Variants in SUDS3 observed in about 807,000 individuals in gnomAD.
SUDS3 encodes SIN3A corepressor complex component SDS3.
A neutral mutation model predicts 53.5 loss-of-function variants in SUDS3; 23 were observed. The ratio of observed to expected loss-of-function variants is 0.43; its 90% CI spans 0.31 to 0.61. The LOEUF (loss-of-function observed/expected upper bound fraction) is 0.61, where lower values mean the gene tolerates loss of function less well. Ranked by LOEUF, SUDS3 falls within the 20% of genes least tolerant of loss-of-function variation. SUDS3 has a pLI of 0.10. For synonymous variants in SUDS3, 150 were observed against 148.5 expected, an observed-to-expected ratio of 1.01 and a Z score of -0.08; for missense variants, 291 against 405.9, an observed-to-expected ratio of 0.72 and a Z score of 2.43.
chr12:118,403,354 T>G, intron 9 of SUDS3, 58 bp from the exon 10 acceptor site: 1 of 1,305,834 alleles, frequency 7.7e-7, no homozygotes, highest in Non-Finnish European at 1.1e-6. Context: ...GCATGTTAAC[T>G]GGTAGACTCG....
Position 118,389,512 on chromosome 12 carries a change from AT to A in SUDS3, c.341-398del, listed in dbSNP as rs574911562. Among the ~76,000 whole-genome samples the A allele has an allele frequency of 7.9e-3, 1,070 of 136,044 alleles. 1 individual carries two copies. Among genetic ancestry groups the A allele is most frequent in the Non-Finnish European group, 7.5e-3 (472 of 62,624 alleles). 89.3% of individuals were successfully genotyped at this position (136,044 alleles called of 152,430 possible). A position where few individuals can be genotyped will look rare whatever the true frequency, so the allele number is the denominator to read the frequency against. Reference sequence around the variant, plus strand: ...CCACAGCTGATATGTTCAGGGCCACATTTTTTTTTTTTTTTTTGAGACCAGG... The same window carrying A: ...CCACAGCTGATATGTTCAGGGCCACATTTTTTTTTTTTTTTTGAGACCAGG... On this transcript the variant is annotated intron_variant, in intron 4 of 11. Coordinates refer to ENST00000543473, the MANE Select transcript of SUDS3 (RefSeq NM_022491.3).
intron 11 of SUDS3, 56 bp downstream of exon 11, chr12:118,411,213 G>A (rs1426199299): frequency 6.7e-7 from 1 of 1,492,786 alleles, no homozygotes; most frequent in East Asian, 2.5e-5. Context: ...GCGAAGTGTT[G>A]GTAGGGCAAA....
chr12:118,410,626 T>G (rs2046350885), intron 10 of SUDS3, among the ~76,000 whole-genome samples: 3 of 151,672 alleles, frequency 2.0e-5, no homozygotes, highest in Non-Finnish European at 4.4e-5. Context: ...AGATGGAGTC[T>G]TGCTCTGTCG....
chr12:118,384,544 G>T (rs1437403062), intron 3 of SUDS3, among the ~76,000 whole-genome samples: 2 of 152,156 alleles, frequency 1.3e-5, no homozygotes, highest in Non-Finnish European at 2.9e-5. Flanking sequence ...AAGAGTGCAG[G>T]CTGTGAGGCC....
rs539679501 is a variant in SUDS3, at chr12:118,392,263, C to T, written c.517+981C>T. Among the ~76,000 whole-genome samples, 8 of 152,258 alleles carry T rather than the reference C, an allele frequency of 5.3e-5. No homozygotes were observed. The East Asian group carries it at 9.7e-4, about 18-fold the overall frequency. The stretch of plus-strand genomic sequence containing the variant: ...GAAATGCATGCAGTGTTTTTGTGGA[C>T]GTTCTCAGGGCTGACTTTGAAATTA... On this transcript the variant is annotated intron_variant, in intron 6 of 11. Transcript: ENST00000543473.
At chr12:118,397,835 C>A (rs907443258) in intron 6 of SUDS3, among the ~76,000 whole-genome samples, 1 of 152,008 alleles carries the variant, frequency 6.6e-6, no homozygotes, top group African/African-American at 2.4e-5. Context: ...ACTTGGCTTA[C>A]ATCCATCATG....
intron 10 of SUDS3, among the ~76,000 whole-genome samples, chr12:118,405,375 G>A (rs1389882832): frequency 6.6e-6 from 1 of 152,156 alleles, no homozygotes; most frequent in Non-Finnish European, 1.5e-5. Flanking sequence ...TGTCTTGAGG[G>A]TGAAAATGCA....
intron 1 of SUDS3, among the ~76,000 whole-genome samples, chr12:118,379,555 C>T (rs976643894): frequency 1.3e-5 from 2 of 152,162 alleles, no homozygotes; most frequent in African/African-American, 4.8e-5. Flanking sequence ...GTAACCACTC[C>T]CCCACGGATA....
At chr12:118,404,865 G>A (rs1167413064) in intron 10 of SUDS3, among the ~76,000 whole-genome samples, 2 of 152,200 alleles carry the variant, frequency 1.3e-5, no homozygotes, top group Non-Finnish European at 2.9e-5. Context: ...ATTGTGTTAG[G>A]TTGGTTACCC....
At chr12:118,376,930 G>A (rs1473287424) in intron 1 of SUDS3, 97 bp downstream of exon 1, 3 of 1,339,954 alleles carry the variant, frequency 2.2e-6, no homozygotes, top group Middle Eastern at 2.7e-4. Context: ...GGCCTCCGGG[G>A]CCTGGGGCTG....
chr12:118,402,269 C>T (rs1417095273), intron 9 of SUDS3: 2 of 527,192 alleles, frequency 3.8e-6, no homozygotes, highest in Non-Finnish European at 6.7e-6. Flanking sequence ...TGATTTCCTT[C>T]TGTGTAGGCA....
rs1336546241 is a variant in SUDS3 at position 118,417,602 on chromosome 12, G to A, written c.*3169G>A. ...TTTGCAGCCATTTCAAGCAGGTGATGGTCTTTTTTTATAACATCGTTAACG... is the reference window on the plus strand; with the variant it reads ...TTTGCAGCCATTTCAAGCAGGTGATAGTCTTTTTTTATAACATCGTTAACG... On this transcript the variant is annotated 3_prime_UTR_variant, in exon 12 of 12. Coordinates refer to ENST00000543473, the MANE Select transcript of SUDS3 (RefSeq NM_022491.3). The A allele has an allele frequency of 6.7e-6, 1 of 149,786 alleles. No individual in the cohort carries two copies. The highest frequency in any genetic ancestry group is 1.5e-5 in the Non-Finnish European group (1 of 67,546). 9.3% of individuals were successfully genotyped at this position (149,786 alleles called of 1,614,324 possible).
chr12:118,387,211 C>T (rs566470628), intron 4 of SUDS3, among the ~76,000 whole-genome samples: 2 of 152,242 alleles, frequency 1.3e-5, no homozygotes, highest in South Asian at 4.1e-4. Flanking sequence ...CTGCTGTTAC[C>T]CCCTTTCTAC....
chr12:118,411,572 A>G (rs940939495), intron 11 of SUDS3, among the ~76,000 whole-genome samples: 1 of 151,974 alleles, frequency 6.6e-6, no homozygotes, highest in African/African-American at 2.4e-5. Context: ...ATCTTGGCTC[A>G]CTGCAACTTC....
Position 118,379,326 on chromosome 12 carries a change from A to G in SUDS3, c.143-836A>G, listed in dbSNP as rs1438335869. Among the ~76,000 whole-genome samples, 4 of 152,198 alleles carry G rather than the reference A, an allele frequency of 2.6e-5. 1 individual carries two copies. Among genetic ancestry groups the G allele is most frequent in the South Asian group, 2.1e-4 (1 of 4,828 alleles). On this transcript the variant is annotated intron_variant, in intron 1 of 11. Transcript: ENST00000543473. ...GTGGTGCACCCCTGTAATCCCAGCT[A>G]TTTGGGAAGCTGAGGCAGGAGAATC...
intron 4 of SUDS3, among the ~76,000 whole-genome samples, chr12:118,386,973 C>T (rs577417362): frequency 5.3e-5 from 8 of 152,244 alleles, no homozygotes; most frequent in South Asian, 2.1e-4. Flanking sequence ...CTTGTTCCTG[C>T]GATGGTAGAA....
intron 4 of SUDS3, 112 bp downstream of exon 4, chr12:118,386,297 G>A: frequency 1.2e-6 from 1 of 826,994 alleles, no homozygotes; most frequent in Non-Finnish European, 1.9e-6. Context: ...CAGATACTCT[G>A]TCAGGGAGAG....
intron 6 of SUDS3, among the ~76,000 whole-genome samples, chr12:118,396,324 CAGCTCACTGCA>C (rs1484343231): frequency 6.6e-6 from 1 of 152,150 alleles, no homozygotes; most frequent in African/African-American, 2.4e-5. Context: ...GGCACGATCT[CAGCTCACTGCA>C]ACCTCTGCCT....
At chr12:118,409,891 C>T (rs1464161514) in intron 10 of SUDS3, among the ~76,000 whole-genome samples, 1 of 152,244 alleles carries the variant, frequency 6.6e-6, no homozygotes, top group Non-Finnish European at 1.5e-5. Flanking sequence ...CACTTTCATC[C>T]TTGGCCTTGT....
Sources: allele counts gnomAD v4.1 joint callset (sites outside exome capture counted in the v4.1 genomes callset), GRCh38; gene constraint gnomAD v4.1.1; transcripts MANE v1.5; gene names NCBI Gene and HGNC (gene_info 2026-07-23, HGNC 2026-07-21).